NIPBL: variants seen among roughly 807,000 people sequenced by gnomAD.
NIPBL encodes the protein NIPBL cohesin loading factor, also known as nipped-B-like protein.
Under a neutral mutation model 321.8 loss-of-function variants are expected in NIPBL, and 19 were observed. The ratio of observed to expected loss-of-function variants is 0.06; its 90% confidence interval spans 0.04 to 0.09. The LOEUF (loss-of-function observed/expected upper bound fraction) is 0.09. NIPBL is among the 10% of genes least tolerant of loss of function. The pLI is 1.00. For synonymous variants in NIPBL, 1,106 were observed against 1,114.1 expected (o/e 0.99, Z 0.14); for missense variants, 2,210 against 3,327.0 (o/e 0.66, Z 8.26).
At chr5:37,013,756 C>G (rs1748549546) in intron 21 of NIPBL, among the ~76,000 whole-genome samples, 1 of 151,916 alleles carries the variant, frequency 6.6e-6, no homozygotes, top group South Asian at 2.1e-4. Flanking sequence ...TCCTCACATC[C>G]CAGACGATGG....
chr5:36,976,512 C>A, intron 9 of NIPBL, 110 bp downstream of exon 9: 1 of 1,032,444 alleles, frequency 9.7e-7, no homozygotes, highest in Non-Finnish European at 1.4e-6. Context: ...TAATTTATGT[C>A]TACTCAAGTA....
intron 1 of NIPBL, among the ~76,000 whole-genome samples, chr5:36,893,848 G>A (rs1164023010): frequency 6.6e-6 from 1 of 152,154 alleles, no homozygotes; most frequent in Non-Finnish European, 1.5e-5. Context: ...TAGCGAGGAC[G>A]TAGAATTGAG....
chr5:36,913,371 TTTC>T (rs1748199508), intron 1 of NIPBL, among the ~76,000 whole-genome samples: 1 of 151,654 alleles, frequency 6.6e-6, no homozygotes, highest in Non-Finnish European at 1.5e-5. Flanking sequence ...AGTGCCTAGT[TTTC>T]TTATTTCCTT....
At chr5:37,011,845 A>G (rs1748161027) in intron 21 of NIPBL, among the ~76,000 whole-genome samples, 2 of 152,176 alleles carry the variant, frequency 1.3e-5, no homozygotes, top group Admixed American at 1.3e-4. Flanking sequence ...TTGAGTTAAA[A>G]ACACCATATC....
At chr5:37,015,672 C>T (rs181857905) in intron 22 of NIPBL, among the ~76,000 whole-genome samples, 1 of 152,056 alleles carries the variant, frequency 6.6e-6, no homozygotes, top group Non-Finnish European at 1.5e-5. Context: ...GGAGGGTTGC[C>T]GTAAGCCAAG....
chr5:36,958,026 T>A, intron 3 of NIPBL, 78 bp from the exon 4 acceptor site: 1 of 1,383,342 alleles, frequency 7.2e-7, no homozygotes, highest in Non-Finnish European at 1.0e-6. Flanking sequence ...CATACCAGTG[T>A]GATTTACTTT....
chr5:36,886,406 C>G (rs1745909280), intron 1 of NIPBL: 2 of 735,358 alleles, frequency 2.7e-6, no homozygotes, highest in Admixed American at 3.6e-5. Flanking sequence ...AGCAGCAACT[C>G]CATGCAAACT....
Position 36,990,446 on chromosome 5 carries a change from C to T in NIPBL, c.3121+4145C>T, listed in dbSNP as rs561793977. Among the ~76,000 whole-genome samples the T allele has an allele frequency of 7.2e-5, 11 of 152,042 alleles. No individual in the cohort carries two copies. The South Asian group carries it at 1.2e-3, about 17-fold the overall frequency. The stretch of plus-strand genomic sequence containing the variant: ...TATTAATTCCTAAATGAGGAATTTT[C>T]GGTGTTTTCTTTAAAGTAGATTGTA... On this transcript the variant is annotated intron_variant, in intron 10 of 46. Coordinates refer to ENST00000282516, the MANE Select transcript of NIPBL (RefSeq NM_133433.4).
chr5:36,962,311 A>G (rs753834306), intron 6 of NIPBL, 37 bp downstream of exon 6: 10 of 1,609,620 alleles, frequency 6.2e-6, no homozygotes, highest in Admixed American at 1.7e-5. Flanking sequence ...GGGAATGTCT[A>G]AGTGCTTTAA....
chr5:37,000,764 AT>A (rs1746700851), intron 12 of NIPBL, 52 bp from the exon 13 acceptor site: 15 of 1,478,546 alleles, frequency 1.0e-5, no homozygotes, highest in Middle Eastern at 3.6e-4. Flanking sequence ...CAAAAATGGA[AT>A]TATTTTAAGT....
chr5:36,949,000 C>G (rs1199444772), intron 1 of NIPBL, among the ~76,000 whole-genome samples: 1 of 151,810 alleles, frequency 6.6e-6, no homozygotes, highest in African/African-American at 2.4e-5. Flanking sequence ...AGATAATATA[C>G]ATGGCAAAAG....
At chr5:36,968,524 G>T (rs560996272) in intron 6 of NIPBL, among the ~76,000 whole-genome samples, 2 of 152,072 alleles carry the variant, frequency 1.3e-5, no homozygotes, top group African/African-American at 2.4e-5. Flanking sequence ...AGCCGAGATC[G>T]CCTGGGCAAC....
chr5:36,885,913 A>G, intron 1 of NIPBL: 1 of 737,160 alleles, frequency 1.4e-6, no homozygotes, highest in Non-Finnish European at 2.5e-6. Flanking sequence ...CCGTGAAGGT[A>G]GATGCTCCCA....
intron 1 of NIPBL, among the ~76,000 whole-genome samples, chr5:36,899,864 G>A (rs985414295): frequency 3.3e-5 from 5 of 152,098 alleles, no homozygotes; most frequent in African/African-American, 9.7e-5. Context: ...CAGACTAGGG[G>A]TACTTAATGC....
chr5:36,987,588 T>A (rs888255256), intron 10 of NIPBL, among the ~76,000 whole-genome samples: 1 of 152,232 alleles, frequency 6.6e-6, no homozygotes, highest in African/African-American at 2.4e-5. Context: ...AAAGAATGAC[T>A]TGTGGCTAAT....
chr5:37,018,043 A>T (rs1038025708), intron 24 of NIPBL, among the ~76,000 whole-genome samples: 2 of 152,080 alleles, frequency 1.3e-5, no homozygotes, highest in African/African-American at 4.8e-5. Flanking sequence ...TCCAAGTATG[A>T]TCCCCTTGAC....
chr5:37,042,958 G>A (rs1488004341), intron 34 of NIPBL, among the ~76,000 whole-genome samples: 1 of 151,892 alleles, frequency 6.6e-6, no homozygotes, highest in African/African-American at 2.4e-5. Flanking sequence ...AATGAACTGG[G>A]TGGCTGGAGG....
chr5:37,032,090 A>G (rs1187961185), intron 32 of NIPBL, among the ~76,000 whole-genome samples: 2 of 152,182 alleles, frequency 1.3e-5, no homozygotes, highest in Non-Finnish European at 1.5e-5. Flanking sequence ...TTCATCAGTA[A>G]CTCTGAGGGT....
chr5:37,054,664 A>G (rs75688582), intron 42 of NIPBL, among the ~76,000 whole-genome samples: 1,674 of 152,304 alleles, frequency 0.011, 18 homozygotes, highest in Middle Eastern at 0.051. Context: ...AGCTCTCACA[A>G]TGCAATGCTT....
Sources: gnomAD v4.1 joint callset for allele counts (sites outside exome capture counted in the v4.1 genomes callset) on GRCh38, gnomAD v4.1.1 for gene constraint, MANE v1.5 for transcripts, NCBI Gene and HGNC (gene_info 2026-07-23, HGNC 2026-07-21) for gene names.